B4GALT5: variants seen among roughly 807,000 people sequenced by gnomAD.
The protein encoded by B4GALT5 is beta-1,4-galactosyltransferase 5.
B4GALT5 carries 11 observed loss-of-function variants against 45.0 expected under a neutral mutation model. The observed-to-expected ratio is 0.24, with a 90% CI of 0.15 to 0.40. B4GALT5 has a LOEUF of 0.40. Ranked by LOEUF, B4GALT5 falls within the 10% of genes least tolerant of loss-of-function variation. The pLI, the probability that B4GALT5 is intolerant of heterozygous loss-of-function variation, is 1.00. For synonymous variants in B4GALT5, 185 were observed against 182.9 expected (o/e 1.01, Z -0.09); for missense variants, 337 against 500.2 (o/e 0.67, Z 3.11).
At chr20:49,711,852 C>T (rs1049616654) in intron 1 of B4GALT5, among the ~76,000 whole-genome samples, 1 of 152,160 alleles carries the variant, frequency 6.6e-6, no homozygotes, top group African/African-American at 2.4e-5. Flanking sequence ...AATCAGGAGA[C>T]GATCTCCTGC....
intron 1 of B4GALT5, among the ~76,000 whole-genome samples, chr20:49,674,081 C>CAAAAAAAAAAAAAAAAAAAA (rs34718276): frequency 1.1e-5 from 1 of 94,536 alleles, no homozygotes. Flanking sequence ...ATTAAAAATA[C>CAAAAAAAAAAAAAAAAAAAA]AAAAAAAAAA....
chr20:49,664,058 C>A (rs939611231), intron 1 of B4GALT5, among the ~76,000 whole-genome samples: 1 of 152,112 alleles, frequency 6.6e-6, no homozygotes, highest in Non-Finnish European at 1.5e-5. Flanking sequence ...AATTTTGCTG[C>A]ATAAGAGGAA....
chr20:49,674,229 CA>C (rs1377796417), intron 1 of B4GALT5, among the ~76,000 whole-genome samples: 1,768 of 64,156 alleles, frequency 0.028, 14 homozygotes, highest in African/African-American at 0.057. Flanking sequence ...GACTCCATCT[CA>C]AAAAAAAAAA....
chr20:49,668,721 T>A (rs1309451768), intron 1 of B4GALT5, among the ~76,000 whole-genome samples: 1 of 151,850 alleles, frequency 6.6e-6, no homozygotes, highest in African/African-American at 2.4e-5. Flanking sequence ...TCCCCTCACC[T>A]CCGCACCCCC....
chr20:49,708,365 T>G (rs1262350492), intron 1 of B4GALT5, among the ~76,000 whole-genome samples: 2 of 152,234 alleles, frequency 1.3e-5, no homozygotes, highest in African/African-American at 2.4e-5. Flanking sequence ...AGGTATGATT[T>G]CTTAAAAATT....
At chr20:49,712,877 G>A (rs1168026521) in intron 1 of B4GALT5, among the ~76,000 whole-genome samples, 2 of 150,190 alleles carry the variant, frequency 1.3e-5, no homozygotes, top group Non-Finnish European at 3.0e-5. Flanking sequence ...GGACGCTCAG[G>A]GGATTAGCAG....
intron 1 of B4GALT5, among the ~76,000 whole-genome samples, chr20:49,701,479 GAA>G (rs1189049678): frequency 6.6e-6 from 1 of 151,102 alleles, no homozygotes; most frequent in Admixed American, 6.6e-5. Flanking sequence ...AAGGATAACA[GAA>G]AAAAAAACCC....
intron 2 of B4GALT5, among the ~76,000 whole-genome samples, chr20:49,652,331 T>C (rs530587380): frequency 6.9e-6 from 1 of 145,828 alleles, no homozygotes; most frequent in Non-Finnish European, 1.5e-5. Context: ...ATCACCACTT[T>C]CCCCTCCCAT....
chr20:49,657,331 C>G (rs2085647631), intron 1 of B4GALT5, among the ~76,000 whole-genome samples: 1 of 152,134 alleles, frequency 6.6e-6, no homozygotes, highest in Non-Finnish European at 1.5e-5. Flanking sequence ...GAGCACAGTC[C>G]AAGGTCAATT....
chr20:49,664,395 AT>A (rs1056703641), intron 1 of B4GALT5, among the ~76,000 whole-genome samples: 1 of 147,878 alleles, frequency 6.8e-6, no homozygotes, highest in East Asian at 2.0e-4. Flanking sequence ...TAACATTTAT[AT>A]TTTTTTAGAG....
intron 1 of B4GALT5, among the ~76,000 whole-genome samples, chr20:49,663,606 A>G (rs2085674066): frequency 6.7e-6 from 1 of 148,366 alleles, no homozygotes; most frequent in Non-Finnish European, 1.5e-5. Context: ...TGGGAGGCTG[A>G]AGTAGGAGGC....
At chr20:49,701,033 A>C (rs1428349125) in intron 1 of B4GALT5, among the ~76,000 whole-genome samples, 2 of 152,216 alleles carry the variant, frequency 1.3e-5, no homozygotes, top group Admixed American at 1.3e-4. Context: ...AAATCACCCA[A>C]AACTAAAAAT....
chr20:49,709,578 C>T (rs2085899143), intron 1 of B4GALT5, among the ~76,000 whole-genome samples: 2 of 152,098 alleles, frequency 1.3e-5, no homozygotes, highest in Admixed American at 6.6e-5. Context: ...TCGAGACGAA[C>T]CTGGCCAACA....
intron 1 of B4GALT5, among the ~76,000 whole-genome samples, chr20:49,683,385 ATTTT>A (rs66503719): frequency 4.1e-5 from 4 of 96,636 alleles, no homozygotes; most frequent in Admixed American, 1.2e-4. Context: ...ACAGGTTTAA[ATTTT>A]TTTTTTTTTT....
intron 2 of B4GALT5, among the ~76,000 whole-genome samples, chr20:49,650,693 GA>G (rs1179238238): frequency 6.6e-6 from 1 of 152,096 alleles, no homozygotes; most frequent in African/African-American, 2.4e-5. Flanking sequence ...CTTTTAAAAT[GA>G]AAGAGACAGA....
intron 1 of B4GALT5, among the ~76,000 whole-genome samples, chr20:49,687,786 T>C (rs772264835): frequency 6.6e-6 from 1 of 152,196 alleles, no homozygotes; most frequent in African/African-American, 2.4e-5. Flanking sequence ...TGTGCAAGAT[T>C]TGCATAAAGT....
intron 1 of B4GALT5, among the ~76,000 whole-genome samples, chr20:49,657,006 C>A (rs760530637): frequency 6.6e-6 from 1 of 152,088 alleles, no homozygotes; most frequent in Non-Finnish European, 1.5e-5. Flanking sequence ...GCACTCTGAT[C>A]ATCAGAAGAA....
chr20:49,711,564 C>T (rs1225398436), intron 1 of B4GALT5, among the ~76,000 whole-genome samples: 1 of 152,200 alleles, frequency 6.6e-6, no homozygotes, highest in Non-Finnish European at 1.5e-5. Context: ...TCTTTTCACA[C>T]CCATTTTTAT....
In B4GALT5 at chr20:49,653,882, G is replaced by A. The variant is rs528136848; in HGVS notation, c.250+2686C>T. Among the ~76,000 whole-genome samples the A allele has an allele frequency of 1.4e-3, 213 of 152,344 alleles. 1 individual carries two copies. The highest frequency in any genetic ancestry group is 4.7e-3 in the African/African-American group (195 of 41,590). The stretch of plus-strand genomic sequence containing the variant: ...ACGGGTCACTGGATACACCCTCCAA[G>A]GGTGAAACTCACCTCTGTACTCAGT... On this transcript the variant is annotated intron_variant, in intron 2 of 8. Coordinates refer to ENST00000371711, the MANE Select transcript of B4GALT5 (RefSeq NM_004776.4).
Sources: gnomAD v4.1 joint callset for allele counts (sites outside exome capture counted in the v4.1 genomes callset) on GRCh38, gnomAD v4.1.1 for gene constraint, MANE v1.5 for transcripts, NCBI Gene and HGNC (gene_info 2026-07-23, HGNC 2026-07-21) for gene names.